Variants in DLGAP2 observed in about 807,000 individuals in gnomAD.
DLGAP2 encodes the protein disks large-associated protein 2.
DLGAP2 carries 26 observed loss-of-function variants against 100.3 expected under a neutral mutation model. That is an observed-to-expected ratio of 0.26 (90% CI 0.19 to 0.36). The LOEUF is 0.36. Among genes scored for constraint, DLGAP2 ranks in the 10% least tolerant of loss-of-function variants. The probability of loss-of-function intolerance (pLI) is 1.00; values close to 1 mark genes in which losing one functional copy is unlikely to be tolerated. For synonymous variants in DLGAP2, 886 were observed against 630.1 expected, an observed-to-expected ratio of 1.41 and a Z score of -6.08; for missense variants, 1,858 against 1,453.2, an observed-to-expected ratio of 1.28 and a Z score of -4.53.
intron 1 of DLGAP2, among the ~76,000 whole-genome samples, chr8:899,896 A>G (rs926387825): frequency 5.3e-5 from 8 of 152,196 alleles, no homozygotes; most frequent in Admixed American, 3.9e-4. Flanking sequence ...AGAGGGTGAG[A>G]CTGTGGGACG....
chr8:1,345,303 A>G (rs1340651703), intron 3 of DLGAP2, among the ~76,000 whole-genome samples: 1 of 124,000 alleles, frequency 8.1e-6, no homozygotes, highest in African/African-American at 2.8e-5. Context: ...GTTCCTTCAG[A>G]GCAGAGTGTG....
intron 2 of DLGAP2, among the ~76,000 whole-genome samples, chr8:1,183,683 G>A (rs1391887324): frequency 6.6e-6 from 1 of 152,208 alleles, no homozygotes; most frequent in Non-Finnish European, 1.5e-5. Context: ...ACAGGGCAGA[G>A]AAGGCTGCTT....
chr8:1,069,364 G>T (rs1803358654), intron 2 of DLGAP2, among the ~76,000 whole-genome samples: 1 of 152,152 alleles, frequency 6.6e-6, no homozygotes. Flanking sequence ...AGGACACCAG[G>T]TCTCACTGGA....
intron 2 of DLGAP2, among the ~76,000 whole-genome samples, chr8:1,095,578 G>A (rs752471426): frequency 7.2e-5 from 11 of 152,188 alleles, no homozygotes; most frequent in Non-Finnish European, 7.3e-5. Flanking sequence ...ACACTGTTGT[G>A]AGGCTTGGGG....
chr8:1,436,925 C>T (rs1584901497), intron 3 of DLGAP2, among the ~76,000 whole-genome samples: 2 of 152,394 alleles, frequency 1.3e-5, no homozygotes, highest in East Asian at 1.9e-4. Context: ...TTACAGTTTT[C>T]TACAGTCTTC....
intron 1 of DLGAP2, among the ~76,000 whole-genome samples, chr8:798,794 G>A (rs936505260): frequency 2.0e-5 from 3 of 146,636 alleles, no homozygotes; most frequent in Non-Finnish European, 4.5e-5. Flanking sequence ...CCGTGCCCTG[G>A]TGCTGGCCAG....
chr8:1,550,101 G>A (rs539106563), intron 5 of DLGAP2, among the ~76,000 whole-genome samples: 8 of 152,156 alleles, frequency 5.3e-5, no homozygotes, highest in African/African-American at 7.2e-5. Flanking sequence ...GATGCCACCC[G>A]TGAGAGGGAC....
chr8:1,557,655 G>C (rs1802013315), intron 5 of DLGAP2, among the ~76,000 whole-genome samples: 2 of 152,158 alleles, frequency 1.3e-5, no homozygotes, highest in Admixed American at 1.3e-4. Flanking sequence ...TCATTCCGCA[G>C]GGTCCTGGTG....
At chr8:842,648 G>A (rs887411205) in intron 1 of DLGAP2, among the ~76,000 whole-genome samples, 2 of 151,978 alleles carry the variant, frequency 1.3e-5, no homozygotes, top group Non-Finnish European at 2.9e-5. Flanking sequence ...CTCTTCTGCT[G>A]CTCTGATTTT....
intron 2 of DLGAP2, among the ~76,000 whole-genome samples, chr8:970,872 A>C (rs1350928206): frequency 6.6e-6 from 1 of 152,214 alleles, no homozygotes; most frequent in African/African-American, 2.4e-5. Flanking sequence ...GACTATCTTA[A>C]CCTTGTTAAC....
At chr8:1,694,594 C>T (rs996741281) in intron 13 of DLGAP2, among the ~76,000 whole-genome samples, 1 of 151,978 alleles carries the variant, frequency 6.6e-6, no homozygotes, top group South Asian at 2.1e-4. Context: ...AGTTTGGTGT[C>T]CCCAGAAACT....
intron 3 of DLGAP2, among the ~76,000 whole-genome samples, chr8:1,307,767 C>T (rs191571463): frequency 2.6e-5 from 4 of 152,132 alleles, no homozygotes; most frequent in Non-Finnish European, 4.4e-5. Context: ...TCGCCCGTCA[C>T]AAAAGGAGAG....
chr8:1,452,515 C>G (rs755983702), intron 3 of DLGAP2, among the ~76,000 whole-genome samples: 1 of 152,196 alleles, frequency 6.6e-6, no homozygotes, highest in Non-Finnish European at 1.5e-5. Context: ...TGCTTCTGAG[C>G]TTGTGGGACA....
At chr8:1,187,793 G>A (rs771923696) in intron 2 of DLGAP2, among the ~76,000 whole-genome samples, 28 of 120,162 alleles carry the variant, frequency 2.3e-4, no homozygotes, top group Non-Finnish European at 3.5e-4. Flanking sequence ...TGTGACGTTT[G>A]CCTCATGGAA....
intron 9 of DLGAP2, 73 bp downstream of exon 9, chr8:1,668,751 C>G (rs1163134818): frequency 1.5e-6 from 2 of 1,348,914 alleles, no homozygotes; most frequent in Non-Finnish European, 2.0e-6. Context: ...AAGCCAAAAC[C>G]CAACCAGCGG....
chr8:1,176,967 G>A (rs1397749832), intron 2 of DLGAP2, among the ~76,000 whole-genome samples: 1 of 152,206 alleles, frequency 6.6e-6, no homozygotes, highest in South Asian at 2.1e-4. Context: ...AGCAAGTCAC[G>A]GTTCACACAA....
At chr8:912,383 A>G (rs1798502996) in intron 2 of DLGAP2, among the ~76,000 whole-genome samples, 1 of 152,180 alleles carries the variant, frequency 6.6e-6, no homozygotes, top group Non-Finnish European at 1.5e-5. Flanking sequence ...CAAATACGTA[A>G]TGGAAACTCC....
chr8:1,009,280 G>A (rs956556568), intron 2 of DLGAP2, among the ~76,000 whole-genome samples: 1 of 152,168 alleles, frequency 6.6e-6, no homozygotes, highest in Non-Finnish European at 1.5e-5. Context: ...AGTCCCAGCA[G>A]AACAGACATT....
At chr8:1,537,861 G>C (rs183230972) in intron 4 of DLGAP2, among the ~76,000 whole-genome samples, 1 of 152,344 alleles carries the variant, frequency 6.6e-6, no homozygotes, top group Admixed American at 6.5e-5. Context: ...TCAGAGAAAA[G>C]AGAGCTAAAT....
Sources: allele counts gnomAD v4.1 joint callset (sites outside exome capture counted in the v4.1 genomes callset), GRCh38; gene constraint gnomAD v4.1.1; transcripts MANE v1.5; gene names NCBI Gene and HGNC (gene_info 2026-07-23, HGNC 2026-07-21).